The following MAD1L1 variants were observed in gnomAD, a reference collection of about 807,000 sequenced individuals.
MAD1L1 encodes the protein mitotic spindle assembly checkpoint protein MAD1.
In MAD1L1, 95 loss-of-function variants were observed where a neutral mutation model predicts 96.9. The observed-to-expected ratio is 0.98, with a 90% confidence interval of 0.83 to 1.16. The LOEUF (loss-of-function observed/expected upper bound fraction) is 1.16. Among genes scored for constraint, MAD1L1 ranks in the 50% most tolerant of loss-of-function variants. The pLI is 0.00. For synonymous variants in MAD1L1, 473 were observed against 396.6 expected, an observed-to-expected ratio of 1.19 and a Z score of -2.29; for missense variants, 1,007 against 954.4, an observed-to-expected ratio of 1.06 and a Z score of -0.73.
rs1448306666 is a variant in MAD1L1, at chr7:1,860,534, G to A, written c.1998+37666C>T. On this transcript the variant is annotated intron_variant, in intron 18 of 18. Transcript: ENST00000265854. ...TTCCCTAAATGTGACAACCTGCAGG[G>A]TGGCCTCTGTTTCCTGTCCCTCGTC... 2.0e-5 allele frequency among the ~76,000 whole-genome samples: 3 copies of A among 152,164 alleles called. No individual in the cohort carries two copies. The East Asian group carries it at 5.8e-4, about 29-fold the overall frequency.
chr7:1,911,112 TG>T (rs1170036454), intron 17 of MAD1L1, among the ~76,000 whole-genome samples: 2 of 152,084 alleles, frequency 1.3e-5, no homozygotes, highest in Non-Finnish European at 2.9e-5. Context: ...TTCCCGCTCC[TG>T]GGCGGCCGCC....
chr7:1,843,728 G>A (rs886215779), intron 18 of MAD1L1, among the ~76,000 whole-genome samples: 5 of 152,160 alleles, frequency 3.3e-5, no homozygotes, highest in Non-Finnish European at 5.9e-5. Flanking sequence ...TCCCAGCTCC[G>A]TCTTCCTGGA....
chr7:1,856,472 A>T (rs1784259478), intron 18 of MAD1L1, among the ~76,000 whole-genome samples: 1 of 151,982 alleles, frequency 6.6e-6, no homozygotes, highest in African/African-American at 2.4e-5. Flanking sequence ...AGCACCGCCC[A>T]CCCCCACAGC....
chr7:2,173,498 T>C (rs764107723), intron 10 of MAD1L1, among the ~76,000 whole-genome samples: 3 of 152,248 alleles, frequency 2.0e-5, no homozygotes, highest in Non-Finnish European at 4.4e-5. Context: ...TTCACTTGCT[T>C]AGCTGTCTGT....
At chr7:2,220,907 T>C in intron 5 of MAD1L1, 1 of 1,611,950 alleles carries the variant, frequency 6.2e-7, no homozygotes, top group African/African-American at 1.3e-5. Flanking sequence ...CAAGGCCAGA[T>C]GCAGGGCCGA....
chr7:2,125,444 G>C (rs151261751), intron 11 of MAD1L1, among the ~76,000 whole-genome samples: 1 of 152,192 alleles, frequency 6.6e-6, no homozygotes, highest in Admixed American at 6.5e-5. Context: ...TGATGTCTCC[G>C]CAGCCTGGTG....
At chr7:2,081,520 C>T (rs534988555) in intron 11 of MAD1L1, among the ~76,000 whole-genome samples, 28 of 152,318 alleles carry the variant, frequency 1.8e-4, no homozygotes, top group African/African-American at 6.3e-4. Context: ...CAAAAATCCC[C>T]GCATCGGGCC....
At chr7:1,894,780 G>A (rs938514316) in intron 18 of MAD1L1, among the ~76,000 whole-genome samples, 3 of 152,086 alleles carry the variant, frequency 2.0e-5, no homozygotes, top group Admixed American at 1.3e-4. Context: ...GAGTCTGGAG[G>A]AGGAGTGGGA....
rs540014883 is a variant in MAD1L1, at chr7:2,151,382, G to T, written c.987-2144C>A. Among the ~76,000 whole-genome samples the T allele has an allele frequency of 3.3e-5, 5 of 152,282 alleles. No homozygotes were observed. The East Asian group carries it at 9.6e-4, about 29-fold the overall frequency. Reference sequence around the variant, plus strand: ...CCACCTACACAGCCAAGACCACCCCGCCTCACACCCCTCAGGGACCTCACA... The same window carrying T: ...CCACCTACACAGCCAAGACCACCCCTCCTCACACCCCTCAGGGACCTCACA... On this transcript the variant is annotated intron_variant, in intron 10 of 18. Coordinates refer to ENST00000265854, the MANE Select transcript of MAD1L1 (RefSeq NM_001013836.2).
intron 15 of MAD1L1, among the ~76,000 whole-genome samples, chr7:1,959,382 G>A (rs1779859357): frequency 6.6e-6 from 1 of 152,228 alleles, no homozygotes; most frequent in African/African-American, 2.4e-5. Context: ...AAAGAAGGCA[G>A]AGGAAGCGAC....
At chr7:2,185,836 AC>A (rs754223236) in intron 10 of MAD1L1, among the ~76,000 whole-genome samples, 1 of 152,022 alleles carries the variant, frequency 6.6e-6, no homozygotes, top group African/African-American at 2.4e-5. Flanking sequence ...CACCGGACTC[AC>A]CCCCACCCCC....
At chr7:2,115,209 C>T (rs1294593039) in intron 11 of MAD1L1, among the ~76,000 whole-genome samples, 1 of 152,236 alleles carries the variant, frequency 6.6e-6, no homozygotes, top group Non-Finnish European at 1.5e-5. Context: ...CAGCAATTCC[C>T]GCATGTTCCG....
intron 12 of MAD1L1, among the ~76,000 whole-genome samples, chr7:2,020,050 G>A (rs1233676623): frequency 6.6e-6 from 1 of 152,242 alleles, no homozygotes; most frequent in Non-Finnish European, 1.5e-5. Flanking sequence ...CAGGCACAGG[G>A]CTGAGGGAAG....
intron 12 of MAD1L1, among the ~76,000 whole-genome samples, chr7:2,027,071 C>T (rs1783025375): frequency 6.6e-6 from 1 of 151,398 alleles, no homozygotes. Context: ...AAAAACATGA[C>T]AATAAACAAC....
At chr7:2,166,422 C>T (rs1382383640) in intron 10 of MAD1L1, among the ~76,000 whole-genome samples, 4 of 152,170 alleles carry the variant, frequency 2.6e-5, no homozygotes, top group Non-Finnish European at 5.9e-5. Flanking sequence ...GTGTGACCAC[C>T]CCAGGGATGC....
intron 16 of MAD1L1, among the ~76,000 whole-genome samples, chr7:1,941,690 G>A (rs73051864): frequency 0.034 from 5,159 of 152,300 alleles, 183 homozygotes; most frequent in Admixed American, 0.097. Flanking sequence ...GCAGGTTCCC[G>A]TGGCCCGGCT....
chr7:2,009,445 C>CGGAA (rs1278276463), intron 13 of MAD1L1, among the ~76,000 whole-genome samples: 1 of 152,158 alleles, frequency 6.6e-6, no homozygotes, highest in Non-Finnish European at 1.5e-5. Context: ...AAGGATGGGA[C>CGGAA]GGAAGCTCAG....
intron 18 of MAD1L1, among the ~76,000 whole-genome samples, chr7:1,827,478 G>A (rs1164706648): frequency 1.0e-5 from 1 of 96,974 alleles, no homozygotes; most frequent in South Asian, 3.0e-4. Flanking sequence ...CGGGTGTGGG[G>A]GCCTCCCCTC....
At position 2,083,306 on chromosome 7, in the gene MAD1L1, C is replaced by A. The variant is rs932841959; in HGVS notation, c.1074-13968G>T. On this transcript the variant is annotated intron_variant, in intron 11 of 18. Coordinates refer to ENST00000265854, the MANE Select transcript of MAD1L1 (RefSeq NM_001013836.2). Reference sequence around the variant, plus strand: ...TGAACCTCGCTTCCTCCGTGCCGGGCGGGGGGCTTGGAGGGCTGACACTTG... The same window carrying A: ...TGAACCTCGCTTCCTCCGTGCCGGGAGGGGGGCTTGGAGGGCTGACACTTG... Among the ~76,000 whole-genome samples the A allele has an allele frequency of 4.6e-5, 7 of 152,328 alleles. No individual in the cohort carries two copies. In the South Asian group the frequency reaches 6.2e-4, roughly 14 times the overall value.
Sources: allele counts gnomAD v4.1 joint callset (sites outside exome capture counted in the v4.1 genomes callset), GRCh38; gene constraint gnomAD v4.1.1; transcripts MANE v1.5; gene names NCBI Gene and HGNC (gene_info 2026-07-23, HGNC 2026-07-21).